The following FGF14 variants were observed in gnomAD, a reference collection of about 807,000 sequenced individuals.
The protein encoded by FGF14 is fibroblast growth factor 14, also known as fibroblast growth factor homologous factor 4.
Under a neutral mutation model 25.5 loss-of-function variants are expected in FGF14, and 5 were observed. The observed-to-expected ratio is 0.20, with a 90% CI of 0.10 to 0.41. The LOEUF is 0.41. FGF14 is among the 10% of genes least tolerant of loss of function. The probability of loss-of-function intolerance (pLI) is 1.00; values close to 1 mark genes in which losing one functional copy is unlikely to be tolerated. For missense variants in FGF14, 222 were observed against 320.1 expected (o/e 0.69, Z 2.34); for synonymous variants, 138 against 118.3 (o/e 1.17, Z -1.08).
chr13:101,814,805 AT>A (rs1186369767), intron 3 of FGF14, among the ~76,000 whole-genome samples: 2 of 152,204 alleles, frequency 1.3e-5, no homozygotes, highest in African/African-American at 4.8e-5. Flanking sequence ...AGTGATGGCT[AT>A]TTGGGTTGTT....
intron 1 of FGF14, among the ~76,000 whole-genome samples, chr13:102,290,974 T>G (rs985744486): frequency 6.6e-6 from 1 of 152,170 alleles, no homozygotes; most frequent in Non-Finnish European, 1.5e-5. Context: ...GAGCATAAGA[T>G]GTTGCAGAAA....
At chr13:101,975,009 G>A (rs911101596) in intron 1 of FGF14, among the ~76,000 whole-genome samples, 2 of 151,974 alleles carry the variant, frequency 1.3e-5, no homozygotes, top group African/African-American at 2.4e-5. Flanking sequence ...GGAGTGGGGT[G>A]GGAAGCGTAA....
At chr13:102,184,216 G>A (rs940258634) in intron 1 of FGF14, among the ~76,000 whole-genome samples, 1 of 152,126 alleles carries the variant, frequency 6.6e-6, no homozygotes, top group Non-Finnish European at 1.5e-5. Context: ...TAGATTCACA[G>A]GCAAGCCTAC....
chr13:101,788,927 GAGAGAGAGAGAGAGAGAGAGAC>G (rs1204434132), intron 3 of FGF14, among the ~76,000 whole-genome samples: 938 of 41,890 alleles, frequency 0.022, 16 homozygotes, highest in Non-Finnish European at 0.037. Flanking sequence ...GAGAGAGAGA[GAGAGAGAGAGAGAGAGAGAGAC>G]AGAGAGAGAG....
At chr13:101,983,047 GAGT>G (rs1261949682) in intron 1 of FGF14, among the ~76,000 whole-genome samples, 1 of 150,752 alleles carries the variant, frequency 6.6e-6, no homozygotes, top group African/African-American at 2.5e-5. Flanking sequence ...CATATCAATT[GAGT>G]ACTGCCAGCA....
chr13:101,778,061 A>G (rs1464592169), intron 3 of FGF14, among the ~76,000 whole-genome samples: 1 of 152,208 alleles, frequency 6.6e-6, no homozygotes, highest in Admixed American at 6.5e-5. Flanking sequence ...TCCTTGAGGT[A>G]CTTCGTGAGA....
chr13:101,726,544 G>GT (rs1391563884), intron 4 of FGF14, 68 bp downstream of exon 4: 1 of 1,431,502 alleles, frequency 7.0e-7, no homozygotes, highest in East Asian at 2.3e-5. Flanking sequence ...AGCCATGGTA[G>GT]ACCTATCAAT....
chr13:102,007,118 A>G lies in FGF14; in HGVS notation c.209-131822T>C, dbSNP rs138399432. ...ATCAATTTTCTAGAAAACAAAGGAT[A>G]TAACACATTTATAAATAAAGTTTTA... On this transcript the variant is annotated intron_variant, in intron 1 of 4. Coordinates refer to the FGF14 transcript ENST00000376131. 7.8e-3 allele frequency among the ~76,000 whole-genome samples: 1,195 copies of G among 152,324 alleles called. 10 individuals carry two copies. Among genetic ancestry groups the G allele is most frequent in the African/African-American group, 0.027 (1,118 of 41,574 alleles).
intron 1 of FGF14, among the ~76,000 whole-genome samples, chr13:102,048,018 TA>T (rs3066009): frequency 0.013 from 1,797 of 142,516 alleles, 17 homozygotes; most frequent in Middle Eastern, 0.035. Flanking sequence ...CTTAGTTGTT[TA>T]AAAAAAAAAA....
At chr13:101,746,496 T>C (rs1437110539) in intron 3 of FGF14, among the ~76,000 whole-genome samples, 1 of 152,004 alleles carries the variant, frequency 6.6e-6, no homozygotes, top group Admixed American at 6.6e-5. Flanking sequence ...ACTCATGCAA[T>C]GTCGAATGCA....
At chr13:101,783,200 G>A (rs531316405) in intron 3 of FGF14, among the ~76,000 whole-genome samples, 2 of 152,086 alleles carry the variant, frequency 1.3e-5, no homozygotes, top group South Asian at 2.1e-4. Flanking sequence ...GGCCGGGCGC[G>A]GTGGCTCAAG....
intron 3 of FGF14, among the ~76,000 whole-genome samples, chr13:101,789,219 T>C (rs2040089455): frequency 6.6e-6 from 1 of 152,050 alleles, no homozygotes; most frequent in Non-Finnish European, 1.5e-5. Flanking sequence ...GAGCTCTCTT[T>C]CTTAAGACAT....
At chr13:102,223,729 C>G (rs1231192180) in intron 1 of FGF14, among the ~76,000 whole-genome samples, 2 of 152,068 alleles carry the variant, frequency 1.3e-5, no homozygotes, top group Non-Finnish European at 2.9e-5. Flanking sequence ...AATATCTATC[C>G]CAAACGTTGC....
intron 3 of FGF14, among the ~76,000 whole-genome samples, chr13:101,854,425 A>G (rs1033083529): frequency 3.9e-5 from 6 of 152,090 alleles, no homozygotes; most frequent in African/African-American, 9.7e-5. Flanking sequence ...TGCTGCTCAC[A>G]CTAAACACAC....
chr13:102,314,107 T>A (rs1017574354), intron 1 of FGF14, among the ~76,000 whole-genome samples: 1 of 151,562 alleles, frequency 6.6e-6, no homozygotes, highest in African/African-American at 2.4e-5. Context: ...TGAAAAAAAA[T>A]GGCTAATTTT....
intron 3 of FGF14, among the ~76,000 whole-genome samples, chr13:101,744,065 T>A (rs181102579): frequency 6.6e-6 from 1 of 152,286 alleles, no homozygotes; most frequent in East Asian, 1.9e-4. Context: ...CATGTTCCCA[T>A]GACCACTAAA....
chr13:101,935,885 A>T (rs2035068129), intron 1 of FGF14, among the ~76,000 whole-genome samples: 1 of 152,184 alleles, frequency 6.6e-6, no homozygotes, highest in South Asian at 2.1e-4. Context: ...GAATGCATTA[A>T]ATGCATCATA....
intron 1 of FGF14, among the ~76,000 whole-genome samples, chr13:102,085,503 GGTTA>G (rs2043854112): frequency 6.6e-6 from 1 of 152,040 alleles, no homozygotes; most frequent in Non-Finnish European, 1.5e-5. Flanking sequence ...ACAATTTTCT[GGTTA>G]ATTATTAAGA....
Position 102,326,741 on chromosome 13 carries a change from AGGAAGGAAGGAAAGAGGGAG to A in FGF14, c.208+74710_208+74729del, listed in dbSNP as rs1241600754. On this transcript the variant is annotated intron_variant, in intron 1 of 4. Transcript: ENST00000376131. ...AAGGAAGGAAGGAAGGAAGGAAGGA[AGGAAGGAAGGAAAGAGGGAG>A]GGAAGGAAGGAAGAAAAAAAAGGAA... Among the ~76,000 whole-genome samples, 855 of 99,974 alleles carry A rather than the reference AGGAAGGAAGGAAAGAGGGAG, an allele frequency of 8.6e-3. 42 individuals are homozygous for A. Among genetic ancestry groups the A allele is most frequent in the African/African-American group, 0.02 (502 of 25,246 alleles). 65.6% of individuals were successfully genotyped at this position (99,974 alleles called of 152,430 possible). A position where few individuals can be genotyped will look rare whatever the true frequency, so the allele number is the denominator to read the frequency against.
Sources: gnomAD v4.1 joint callset for allele counts (sites outside exome capture counted in the v4.1 genomes callset) on GRCh38, gnomAD v4.1.1 for gene constraint, MANE v1.5 for transcripts, NCBI Gene and HGNC (gene_info 2026-07-23, HGNC 2026-07-21) for gene names.